TCF20: variants seen among roughly 807,000 people sequenced by gnomAD.
TCF20 encodes the protein transcription factor 20.
TCF20 carries 3 observed loss-of-function variants against 148.6 expected under a neutral mutation model. The observed-to-expected ratio is 0.02, with a 90% CI of 0.01 to 0.05. The LOEUF is 0.05. TCF20 is among the 10% of genes least tolerant of loss of function. The pLI is 1.00. For synonymous variants in TCF20, 1,049 were observed against 909.5 expected (o/e 1.15, Z -2.76); for missense variants, 2,350 against 2,429.3 (o/e 0.97, Z 0.69).
intron 1 of TCF20, among the ~76,000 whole-genome samples, chr22:42,235,544 T>C (rs1425103792): frequency 1.3e-5 from 2 of 152,256 alleles, no homozygotes; most frequent in Non-Finnish European, 2.9e-5. Context: ...GATTTTATTT[T>C]AGTAAGCGAA....
rs144341473 is a variant in TCF20, at chr22:42,314,479, G to A, written c.-37+29000C>T. Among the ~76,000 whole-genome samples, 39 of 152,336 alleles carry A rather than the reference G, an allele frequency of 2.6e-4. 1 individual carries two copies. In the East Asian group the frequency reaches 7.5e-3, roughly 29 times the overall value. ...GGCATCGATGCCTCCTGCGGCAGGC[G>A]GGCAGGCGGCCAGGCATGTGGGCAG... On this transcript the variant is annotated intron_variant, in intron 1 of 1. Coordinates refer to the TCF20 transcript ENST00000515426.
chr22:42,268,280 G>A (rs1376997415), intron 1 of TCF20, among the ~76,000 whole-genome samples: 1 of 152,196 alleles, frequency 6.6e-6, no homozygotes, highest in Non-Finnish European at 1.5e-5. Context: ...AGAAATTTAA[G>A]ACAAATTCTG....
At chr22:42,207,935 T>C (rs1601587211) in intron 2 of TCF20, among the ~76,000 whole-genome samples, 1 of 152,236 alleles carries the variant, frequency 6.6e-6, no homozygotes, top group South Asian at 2.1e-4. Flanking sequence ...ACGCCTGTAA[T>C]TCCAGCACTT....
chr22:42,232,591 G>A (rs1923523227), intron 1 of TCF20, among the ~76,000 whole-genome samples: 1 of 152,070 alleles, frequency 6.6e-6, no homozygotes, highest in Non-Finnish European at 1.5e-5. Context: ...ACTTTGGGAG[G>A]TCGAGGCGGG....
At chr22:42,264,346 C>T (rs1235068097) in intron 1 of TCF20, among the ~76,000 whole-genome samples, 1 of 152,106 alleles carries the variant, frequency 6.6e-6, no homozygotes, top group Non-Finnish European at 1.5e-5. Flanking sequence ...GTCTAACACT[C>T]ACCAATATTA....
At chr22:42,243,475 G>A (rs1393481193) in intron 1 of TCF20, among the ~76,000 whole-genome samples, 2 of 151,722 alleles carry the variant, frequency 1.3e-5, no homozygotes, top group African/African-American at 4.8e-5. Flanking sequence ...GGTGGTGGGT[G>A]CCTGTAATCC....
In TCF20 at chr22:42,168,662, C is replaced by T. The variant is rs774985849; in HGVS notation, c.5874G>A (p.Glu1958=). Residue 1958 remains glutamate (E), a synonymous_variant, in exon 5 of 6, where the codon GAG becomes GAA. Coordinates refer to ENST00000677622, the MANE Select transcript of TCF20 (RefSeq NM_001378418.1). ...GAGCACACTGCCCCCCTCACCCCCG[C>T]TCCGACTGCTCTGTGCTGAGGCTGC... The part of the protein sequence containing the change: ...AKGSLSTEQS[E]RG 6.2e-7 allele frequency: 1 copy of T among 1,605,754 alleles called. No homozygotes were observed. The highest frequency in any genetic ancestry group is 1.7e-5 in the Admixed American group (1 of 59,462).
At chr22:42,274,427 C>T (rs1337607888), upstream of TCF20, 1 of 152,396 alleles carries the variant, frequency 6.6e-6, no homozygotes, top group South Asian at 2.1e-4. Context: ...CAGAACAGTT[C>T]TTTCTGGGGC....
chr22:42,220,166 C>T (rs118040307), intron 1 of TCF20, among the ~76,000 whole-genome samples: 1,688 of 152,004 alleles, frequency 0.011, 29 homozygotes, highest in South Asian at 0.044. Context: ...CATCCCACTT[C>T]CCAATCCATT....
intron 1 of TCF20, among the ~76,000 whole-genome samples, chr22:42,232,412 A>G (rs1035781612): frequency 1.3e-5 from 2 of 152,166 alleles, no homozygotes; most frequent in Non-Finnish European, 2.9e-5. Context: ...CAAAAAAAAA[A>G]CAACGTACCA....
intron 1 of TCF20, among the ~76,000 whole-genome samples, chr22:42,322,754 A>G (rs1411647018): frequency 7.0e-6 from 1 of 142,782 alleles, no homozygotes; most frequent in East Asian, 1.9e-4. Context: ...GAGGGAATGA[A>G]TGAGTGTCTG....
Position 42,213,203 on chromosome 22 carries a change from A to G in TCF20, c.2103T>C (p.Ser701=). The change falls in exon 2 of 6, where the codon TCT becomes TCC. Residue 701 remains serine (S), a synonymous_variant. Transcript: ENST00000677622. ...TGTAACTATAGCGCAGACTTCCAGG[A>G]GATTTGCTAGGCTCAGTTCTGCTCG... ...GFTSRTEPSK[S]PGSLRYSYKD... 6.2e-7 allele frequency: 1 copy of G among 1,614,100 alleles called. No individual in the cohort carries two copies.
intron 1 of TCF20, among the ~76,000 whole-genome samples, chr22:42,246,406 G>A (rs779475771): frequency 5.3e-5 from 8 of 152,274 alleles, no homozygotes; most frequent in South Asian, 4.1e-4. Context: ...ACCAGGCCTG[G>A]CCTCAATATA....
chr22:42,336,198 G>C (rs1419689289), intron 1 of TCF20, among the ~76,000 whole-genome samples: 1 of 152,154 alleles, frequency 6.6e-6, no homozygotes, highest in Non-Finnish European at 1.5e-5. Flanking sequence ...GAGGGGTGGT[G>C]GTGGCAAGAA....
intron 3 of TCF20, among the ~76,000 whole-genome samples, chr22:42,175,134 C>T (rs1267031085): frequency 1.3e-5 from 2 of 152,022 alleles, no homozygotes; most frequent in African/African-American, 2.4e-5. Flanking sequence ...GAAGAAAACA[C>T]AATATTACGA....
chr22:42,282,720 C>T (rs1240498620), intron 1 of TCF20, among the ~76,000 whole-genome samples: 3 of 152,160 alleles, frequency 2.0e-5, no homozygotes, highest in Non-Finnish European at 4.4e-5. Context: ...GCTGGGACAG[C>T]GCCTGGGGGT....
chr22:42,333,141 C>G (rs549648805), intron 1 of TCF20, among the ~76,000 whole-genome samples: 7 of 152,392 alleles, frequency 4.6e-5, no homozygotes, highest in African/African-American at 1.4e-4. Flanking sequence ...AATGCAATGG[C>G]AGGAGCTGCC....
At chr22:42,221,058 G>A (rs1476416440) in intron 1 of TCF20, among the ~76,000 whole-genome samples, 1 of 152,176 alleles carries the variant, frequency 6.6e-6, no homozygotes, top group Non-Finnish European at 1.5e-5. Context: ...GCTCTCCTCT[G>A]CAGATCAGAA....
At chr22:42,259,606 G>C (rs1009389401) in intron 1 of TCF20, among the ~76,000 whole-genome samples, 11 of 152,146 alleles carry the variant, frequency 7.2e-5, no homozygotes, top group African/African-American at 2.7e-4. Flanking sequence ...TTCCTCAGTT[G>C]TTTTCTATTT....
Sources: gnomAD v4.1 joint callset for allele counts (sites outside exome capture counted in the v4.1 genomes callset) on GRCh38, gnomAD v4.1.1 for gene constraint, MANE v1.5 for transcripts, NCBI Gene and HGNC (gene_info 2026-07-23, HGNC 2026-07-21) for gene names.